Variants in CHD1 observed in about 807,000 individuals in gnomAD.
The protein encoded by CHD1 is chromodomain helicase DNA binding protein 1, also known as ATP-dependent chromatin remodeler CHD1.
CHD1 carries 36 observed loss-of-function variants against 224.2 expected under a neutral mutation model. The observed-to-expected ratio is 0.16, with a 90% CI of 0.12 to 0.21. The LOEUF (loss-of-function observed/expected upper bound fraction) is 0.21. Ranked by LOEUF, CHD1 falls within the 10% of genes least tolerant of loss-of-function variation. The pLI, the probability that CHD1 is intolerant of heterozygous loss-of-function variation, is 1.00. For synonymous variants in CHD1, 668 were observed against 658.3 expected (o/e 1.01, Z -0.23); for missense variants, 1,378 against 1,994.8 (o/e 0.69, Z 5.89).
intron 2 of CHD1, among the ~76,000 whole-genome samples, chr5:98,915,243 T>G (rs1485046475): frequency 6.6e-6 from 1 of 152,236 alleles, no homozygotes; most frequent in Non-Finnish European, 1.5e-5. Context: ...GTTCCACTGC[T>G]TTGTTAAGCA....
At chr5:98,896,755 T>C (rs1248000350) in intron 11 of CHD1, among the ~76,000 whole-genome samples, 1 of 148,940 alleles carries the variant, frequency 6.7e-6, no homozygotes, top group Non-Finnish European at 1.5e-5. Flanking sequence ...TCCAGATATA[T>C]TAAATAAGTA....
chr5:98,903,013 A>G (rs749060260), intron 4 of CHD1, 49 bp from the exon 5 acceptor site: 1 of 1,152,726 alleles, frequency 8.7e-7, no homozygotes, highest in Non-Finnish European at 1.3e-6. Flanking sequence ...ATTAGAATTT[A>G]ACCATATTAA....
Position 98,901,039 on chromosome 5 carries a change from T to C in CHD1, c.631A>G (p.Arg211Gly), listed in dbSNP as rs766387618. The C allele has an allele frequency of 1.2e-6, 2 of 1,606,680 alleles. No homozygotes were observed. The highest frequency in any genetic ancestry group is 1.7e-6 in the Non-Finnish European group (2 of 1,177,916). ...NGKKILGQKKRQIDSSEEDDD... is the reference protein window; with the variant it reads ...NGKKILGQKKGQIDSSEEDDD... ...TCCTCCTCAGATGAATCAATCTGTC[T>C]CTTTTTTTGTCCAAGAATCTTCTTT... Residue 211 changes from arginine (R) to glycine (G), a missense_variant, in exon 7 of 36, where the codon AGA (arginine) becomes GGA (glycine). By Grantham distance (125) the Arg-to-Gly change is moderately radical. Transcript: ENST00000614616.
intron 2 of CHD1, among the ~76,000 whole-genome samples, chr5:98,919,000 T>C (rs969939060): frequency 3.3e-5 from 5 of 152,226 alleles, no homozygotes; most frequent in African/African-American, 7.2e-5. Context: ...ATATTTAAAC[T>C]GGCTATTCCA....
At chr5:98,872,308 C>T (rs913678231) in intron 27 of CHD1, 107 bp from the exon 28 acceptor site, 5 of 1,453,204 alleles carry the variant, frequency 3.4e-6, no homozygotes, top group South Asian at 1.3e-5. Flanking sequence ...TGCTTTATTT[C>T]TTCCTTTTTT....
chr5:98,872,705 A>G (rs1749444596), intron 26 of CHD1, 150 bp from the exon 27 acceptor site: 2 of 691,968 alleles, frequency 2.9e-6, no homozygotes, highest in Admixed American at 3.0e-5. Context: ...CTTGAACTTC[A>G]TTACATATGA....
At position 98,854,476 on chromosome 5, in the gene CHD1, G is replaced by C. The variant is rs951981609; in HGVS notation, c.*1904C>G. The C allele has an allele frequency of 5.3e-5, 8 of 152,028 alleles. No individual in the cohort carries two copies. The highest frequency in any genetic ancestry group is 1.0e-4 in the Non-Finnish European group (7 of 67,932). 9.4% of individuals were successfully genotyped at this position (152,028 alleles called of 1,614,324 possible). ...ATAAAATAGTCATACTAAATGTAGA[G>C]AAAAGTGATAAAAGTTTCAAAAATG... On this transcript the variant is annotated 3_prime_UTR_variant, in exon 36 of 36. Transcript: ENST00000614616.
At chr5:98,903,356 T>C (rs965222176) in intron 4 of CHD1, among the ~76,000 whole-genome samples, 2 of 152,072 alleles carry the variant, frequency 1.3e-5, no homozygotes, top group Non-Finnish European at 2.9e-5. Context: ...CATGTATGCA[T>C]GCTTGCACAC....
At chr5:98,866,896 A>G (rs1049640604) in intron 31 of CHD1, among the ~76,000 whole-genome samples, 9 of 152,016 alleles carry the variant, frequency 5.9e-5, no homozygotes, top group Non-Finnish European at 1.3e-4. Flanking sequence ...TTTGCTCTGC[A>G]ATTGGACTTT....
chr5:98,888,620 C>G (rs138544649), intron 16 of CHD1, among the ~76,000 whole-genome samples: 1 of 152,188 alleles, frequency 6.6e-6, no homozygotes, highest in Non-Finnish European at 1.5e-5. Context: ...TGTATTAATT[C>G]TAGATGCTGA....
chr5:98,887,931 G>A (rs1038722346), intron 17 of CHD1, among the ~76,000 whole-genome samples, 157 bp downstream of exon 17: 14 of 151,996 alleles, frequency 9.2e-5, no homozygotes, highest in African/African-American at 2.9e-4. Flanking sequence ...GAAAAACCGG[G>A]AATGACAAAT....
intron 13 of CHD1, among the ~76,000 whole-genome samples, chr5:98,894,083 G>C (rs558262935): frequency 1.2e-4 from 19 of 152,284 alleles, no homozygotes; most frequent in Admixed American, 3.9e-4. Context: ...CGCTACTTAA[G>C]AGCTGTGTTA....
intron 14 of CHD1, 124 bp downstream of exon 14, chr5:98,893,292 T>G: frequency 1.7e-6 from 1 of 574,354 alleles, no homozygotes; most frequent in Non-Finnish European, 2.9e-6. Context: ...TTTTAAAAAA[T>G]TCTTAGTAAT....
Position 98,856,425 on chromosome 5 carries a change from T to G in CHD1, c.5088A>C (p.Glu1696Asp), listed in dbSNP as rs376365422. 1.2e-6 allele frequency: 2 copies of G among 1,613,320 alleles called. No individual in the cohort carries two copies. The highest frequency in any genetic ancestry group is 1.7e-6 in the Non-Finnish European group (2 of 1,179,620). Residue 1696 changes from glutamate (E) to aspartate (D), a missense_variant, in exon 36 of 36, where the codon GAA (glutamate) becomes GAC (aspartate). Around this residue, in one of 16 missense-constraint regions of CHD1, gnomAD observed 278 missense variants for 298.5 expected, o/e 0.93. Coordinates refer to ENST00000614616, the MANE Select transcript of CHD1 (RefSeq NM_001270.4). ...AGGTATGCTCCGGTGTACTTTTGTG[T>G]TCAACTGAATGTTCAAATGGAGATC... ...GSRSPFEHSV[E>D]HKSTPEHTWS...
intron 23 of CHD1, among the ~76,000 whole-genome samples, chr5:98,876,986 T>C (rs938823322): frequency 1.3e-5 from 2 of 152,180 alleles, no homozygotes; most frequent in African/African-American, 4.8e-5. Context: ...TTAGGCAACA[T>C]AGTGAGACCT....
intron 2 of CHD1, among the ~76,000 whole-genome samples, chr5:98,908,631 ATTTT>A (rs1425623318): frequency 6.6e-6 from 1 of 152,152 alleles, no homozygotes; most frequent in Non-Finnish European, 1.5e-5. Context: ...TCCAATTAAT[ATTTT>A]ATTTTAGGTA....
At chr5:98,924,871 C>T (rs162159) in intron 2 of CHD1, among the ~76,000 whole-genome samples, 9,732 of 151,722 alleles carry the variant, frequency 0.064, 411 homozygotes, top group Non-Finnish European at 0.092. Flanking sequence ...CCAGCTACTC[C>T]GGAGGCTGAG....
intron 17 of CHD1, among the ~76,000 whole-genome samples, chr5:98,886,804 C>T (rs1267034164): frequency 6.6e-6 from 1 of 152,080 alleles, no homozygotes; most frequent in Non-Finnish European, 1.5e-5. Context: ...ATAGTGGCAT[C>T]TCATTACTGT....
chr5:98,881,363 G>A lies in CHD1; in HGVS notation c.2880C>T (p.Phe960=), dbSNP rs1454877279. 6.7e-7 allele frequency: 1 copy of A among 1,483,066 alleles called. No homozygotes were observed. The highest frequency in any genetic ancestry group is 1.3e-5 in the South Asian group (1 of 78,482). 91.9% of individuals were successfully genotyped at this position (1,483,066 alleles called of 1,614,324 possible). ...AAATGGCTGATAACTCTTCTTTATTGAAAGGAGTAGAACTAAAACAGGAAA... is the reference window on the plus strand; with the variant it reads ...AAATGGCTGATAACTCTTCTTTATTAAAAGGAGTAGAACTAAAACAGGAAA... ...TGSAPSSSTP[F]NKEELSAILK... Residue 960 remains phenylalanine (F), a synonymous_variant, in exon 21 of 36, where the codon TTC becomes TTT. Coordinates refer to ENST00000614616, the MANE Select transcript of CHD1 (RefSeq NM_001270.4).
Sources: allele counts gnomAD v4.1 joint callset (sites outside exome capture counted in the v4.1 genomes callset), GRCh38; gene constraint gnomAD v4.1.1; regional missense constraint gnomAD v4.1.1; transcripts MANE v1.5; gene names NCBI Gene and HGNC (gene_info 2026-07-23, HGNC 2026-07-21).